YAF2: variants seen among roughly 807,000 people sequenced by gnomAD.
The protein encoded by YAF2 is YY1-associated factor 2.
A neutral mutation model predicts 20.1 loss-of-function variants in YAF2; 7 were observed. The observed-to-expected ratio is 0.35, with a 90% CI of 0.20 to 0.65. The LOEUF is 0.65. Ranked by LOEUF, YAF2 falls within the 30% of genes least tolerant of loss-of-function variation. The probability of loss-of-function intolerance (pLI) is 0.69; values close to 1 mark genes in which losing one functional copy is unlikely to be tolerated. For missense variants in YAF2, 151 were observed against 219.2 expected, an observed-to-expected ratio of 0.69 and a Z score of 1.96; for synonymous variants, 74 against 76.0, an observed-to-expected ratio of 0.97 and a Z score of 0.14.
At position 42,158,332 on chromosome 12, in the gene YAF2, T is replaced by C. The variant is rs1029220550; in HGVS notation, c.*2257A>G. 2 of 152,232 alleles carry C rather than the reference T, an allele frequency of 1.3e-5. No individual in the cohort carries two copies. The highest frequency in any genetic ancestry group is 4.8e-5 in the African/African-American group (2 of 41,458). 9.4% of individuals were successfully genotyped at this position (152,232 alleles called of 1,614,324 possible). On this transcript the variant is annotated 3_prime_UTR_variant, in exon 4 of 4. Transcript: ENST00000534854. The stretch of plus-strand genomic sequence containing the variant: ...ATTACACTGAAAATTTAGTGAAATC[T>C]ATAAAACACTATTACTTTAGGTCAT...
chr12:42,191,560 T>C (rs374475335), intron 2 of YAF2, among the ~76,000 whole-genome samples: 1 of 152,226 alleles, frequency 6.6e-6, no homozygotes, highest in African/African-American at 2.4e-5. Context: ...TTAACAAGCA[T>C]GTTTGGTCTT....
intron 2 of YAF2, among the ~76,000 whole-genome samples, chr12:42,187,681 T>C (rs1184729870): frequency 1.3e-5 from 2 of 152,206 alleles, no homozygotes; most frequent in African/African-American, 4.8e-5. Context: ...ATATATAGCA[T>C]GAAAATACCT....
Position 42,160,885 on chromosome 12 carries a change from T to C in YAF2, c.306-59A>G, listed in dbSNP as rs1351177604. The C allele has an allele frequency of 8.2e-5, 117 of 1,420,344 alleles. 1 individual carries two copies. The East Asian group carries it at 2.7e-3, about 32-fold the overall frequency. The allele number at this position is 1,420,344 out of a possible 1,614,324, so 88.0% of individuals were successfully genotyped here. Reference sequence around the variant, plus strand: ...TTTCCCTCTACCAAATTTCTGAGCATATAATAAATAATAAAAGTGGTAAAA... The same window carrying C: ...TTTCCCTCTACCAAATTTCTGAGCACATAATAAATAATAAAAGTGGTAAAA... On this transcript the variant is annotated intron_variant, in intron 3 of 3. Coordinates refer to ENST00000534854, the MANE Select transcript of YAF2 (RefSeq NM_005748.6).
intron 2 of YAF2, among the ~76,000 whole-genome samples, chr12:42,196,484 C>T (rs1271439579): frequency 6.6e-6 from 1 of 152,032 alleles, no homozygotes; most frequent in Non-Finnish European, 1.5e-5. Flanking sequence ...TTGGCTATAC[C>T]AGAAGTTTCA....
chr12:42,166,046 G>A (rs891810705), intron 2 of YAF2, among the ~76,000 whole-genome samples: 2 of 151,946 alleles, frequency 1.3e-5, no homozygotes, highest in Non-Finnish European at 2.9e-5. Flanking sequence ...AGCCTCCCGA[G>A]TAGCTGGGAT....
At chr12:42,181,698 A>G (rs2066346205) in intron 2 of YAF2, among the ~76,000 whole-genome samples, 1 of 152,238 alleles carries the variant, frequency 6.6e-6, no homozygotes, top group Admixed American at 6.5e-5. Context: ...CAGAGATGAA[A>G]ATAATTCACA....
intron 2 of YAF2, among the ~76,000 whole-genome samples, chr12:42,171,353 T>C (rs1309074615): frequency 2.6e-5 from 4 of 152,088 alleles, no homozygotes; most frequent in Non-Finnish European, 5.9e-5. Flanking sequence ...CCAGGCATAG[T>C]GGTGCATGCC....
At position 42,236,106 on chromosome 12, in the gene YAF2, T is replaced by C. The variant is rs1209880982; in HGVS notation, c.152+1493A>G. 10 of 1,397,762 alleles carry C rather than the reference T, an allele frequency of 7.2e-6. No individual in the cohort carries two copies. In the East Asian group the frequency reaches 7.5e-5, roughly 10 times the overall value. The allele number at this position is 1,397,762 out of a possible 1,614,324, so 86.6% of individuals were successfully genotyped here. A position where few individuals can be genotyped will look rare whatever the true frequency, so the allele number is the denominator to read the frequency against. The stretch of plus-strand genomic sequence containing the variant: ...TAATATATAGTACCAGAGATCAAGA[T>C]TATAATTGTTTCCACTTTAATGTTC... On this transcript the variant is annotated intron_variant, in intron 2 of 3. Transcript: ENST00000534854.
At chr12:42,226,977 T>A (rs1330436850) in intron 2 of YAF2, among the ~76,000 whole-genome samples, 2 of 148,698 alleles carry the variant, frequency 1.3e-5, no homozygotes, top group Non-Finnish European at 3.0e-5. Context: ...CCCGGGGCAG[T>A]GCGGAGCCGG....
At chr12:42,208,735 C>T (rs1340921524) in intron 2 of YAF2, among the ~76,000 whole-genome samples, 3 of 152,126 alleles carry the variant, frequency 2.0e-5, no homozygotes, top group Non-Finnish European at 4.4e-5. Context: ...TGCCTCAACT[C>T]TAAAGTACAG....
chr12:42,177,605 G>A (rs145694091), intron 2 of YAF2, among the ~76,000 whole-genome samples: 17 of 152,164 alleles, frequency 1.1e-4, no homozygotes, highest in Admixed American at 6.5e-4. Context: ...AGTCACATAG[G>A]GGGTGAGGGC....
At chr12:42,201,314 C>CAATCT (rs2066893025) in intron 2 of YAF2, among the ~76,000 whole-genome samples, 1 of 152,174 alleles carries the variant, frequency 6.6e-6, no homozygotes, top group South Asian at 2.1e-4. Context: ...CTAAGCTTTG[C>CAATCT]AATCTAATGG....
intron 2 of YAF2, among the ~76,000 whole-genome samples, chr12:42,215,364 C>T (rs928987700): frequency 1.3e-5 from 2 of 150,424 alleles, no homozygotes; most frequent in African/African-American, 2.4e-5. Context: ...CCCAGGAGTT[C>T]GAGACAAGCC....
chr12:42,230,439 G>C (rs1201602305), intron 2 of YAF2, among the ~76,000 whole-genome samples: 4 of 152,084 alleles, frequency 2.6e-5, no homozygotes, highest in Admixed American at 2.6e-4. Context: ...CTATCCTAAG[G>C]ATCTCAGCCT....
rs2068117052 is a variant in YAF2 at position 42,235,415 on chromosome 12, C to T, written c.152+2184G>A. ...TAATATTCTGTGATGCAATCAATAT[C>T]TTCTCTAGTAACAATACCCTGTTCC... On this transcript the variant is annotated intron_variant, in intron 2 of 3. Transcript: ENST00000534854. 20 of 1,052,170 alleles carry T rather than the reference C, an allele frequency of 1.9e-5. No homozygotes were observed. The South Asian group carries it at 5.5e-4, about 29-fold the overall frequency. The allele number at this position is 1,052,170 out of a possible 1,614,324, so 65.2% of individuals were successfully genotyped here. A position where few individuals can be genotyped will look rare whatever the true frequency, so the allele number is the denominator to read the frequency against.
intron 2 of YAF2, among the ~76,000 whole-genome samples, chr12:42,201,871 C>A (rs182450757): frequency 5.9e-5 from 9 of 152,274 alleles, no homozygotes; most frequent in African/African-American, 2.2e-4. Context: ...CCACACCCAG[C>A]CTGATGTCTT....
chr12:42,234,357 C>T (rs901912075), intron 2 of YAF2: 1 of 985,206 alleles, frequency 1.0e-6, no homozygotes, highest in African/African-American at 1.7e-5. Context: ...CTCACAAAAG[C>T]ACAATGTAAA....
chr12:42,205,970 A>T, intron 2 of YAF2: 2 of 343,882 alleles, frequency 5.8e-6, no homozygotes, highest in South Asian at 2.4e-5. Context: ...TTGCTTCTCC[A>T]CTCCTCTGTG....
chr12:42,168,904 A>C (rs2065976685), intron 2 of YAF2, among the ~76,000 whole-genome samples: 1 of 152,138 alleles, frequency 6.6e-6, no homozygotes, highest in South Asian at 2.1e-4. Context: ...ACCTTTTAAA[A>C]TGTTGTAAAT....
Sources: gnomAD v4.1 joint callset for allele counts (sites outside exome capture counted in the v4.1 genomes callset) on GRCh38, gnomAD v4.1.1 for gene constraint, MANE v1.5 for transcripts, NCBI Gene and HGNC (gene_info 2026-07-23, HGNC 2026-07-21) for gene names.